The following RARB variants were observed in gnomAD, a reference collection of about 807,000 sequenced individuals.
The protein encoded by RARB is HBV-activated protein.
RARB carries 17 observed loss-of-function variants against 51.9 expected under a neutral mutation model. The observed-to-expected ratio is 0.33, with a 90% CI of 0.22 to 0.49. The LOEUF is 0.49. Among genes scored for constraint, RARB ranks in the 20% least tolerant of loss-of-function variants. The pLI is 0.99. For missense variants in RARB, 369 were observed against 550.8 expected (o/e 0.67, Z 3.30); for synonymous variants, 215 against 195.4 (o/e 1.10, Z -0.84).
intron 1 of RARB, among the ~76,000 whole-genome samples, chr3:25,446,958 A>G (rs1708973948): frequency 6.6e-6 from 1 of 152,046 alleles, no homozygotes; most frequent in Non-Finnish European, 1.5e-5. Context: ...GACCTTGGCC[A>G]AGTCATTTAA....
chr3:24,875,903 C>G (rs1473392563), intron 2 of RARB, among the ~76,000 whole-genome samples: 1 of 151,868 alleles, frequency 6.6e-6, no homozygotes, highest in African/African-American at 2.4e-5. Flanking sequence ...TTTATTCCTC[C>G]CTTGTCCTTC....
chr3:25,339,611 C>T (rs1198087384), intron 5 of RARB, among the ~76,000 whole-genome samples: 1 of 149,174 alleles, frequency 6.7e-6, no homozygotes, highest in Non-Finnish European at 1.5e-5. Flanking sequence ...ACACTGTTTG[C>T]CTAATTTGAG....
At chr3:24,976,482 T>C (rs1696514591) in intron 2 of RARB, among the ~76,000 whole-genome samples, 1 of 152,226 alleles carries the variant, frequency 6.6e-6, no homozygotes, top group Non-Finnish European at 1.5e-5. Flanking sequence ...TGGGATGGTA[T>C]CTCATTGTGG....
intron 5 of RARB, among the ~76,000 whole-genome samples, chr3:25,290,593 C>A (rs945816666): frequency 2.0e-5 from 3 of 152,140 alleles, no homozygotes; most frequent in African/African-American, 7.2e-5. Context: ...GTTCAAAAGG[C>A]TTTACAAGGA....
intron 2 of RARB, among the ~76,000 whole-genome samples, chr3:24,952,524 C>T (rs9848183): frequency 0.034 from 5,169 of 152,190 alleles, 268 homozygotes; most frequent in African/African-American, 0.12. Context: ...CATGACTTAA[C>T]CCTTTGTCTA....
intron 2 of RARB, among the ~76,000 whole-genome samples, chr3:24,975,599 G>A (rs1163522156): frequency 1.3e-5 from 2 of 151,998 alleles, no homozygotes; most frequent in African/African-American, 2.4e-5. Context: ...GGAAAGGAAA[G>A]ACTTAACTAG....
rs554075893 is a variant in RARB, at chr3:25,341,056, A to C, written c.179-120137A>C. Among the ~76,000 whole-genome samples, 33 of 152,324 alleles carry C rather than the reference A, an allele frequency of 2.2e-4. No homozygotes were observed. The South Asian group carries it at 6.4e-3, about 30-fold the overall frequency. ...TCAATCTGTGTTCATTGGAAAGGAC[A>C]TGCAGCCAGCAGAACATAATTAACT... On this transcript the variant is annotated intron_variant, in intron 5 of 11. Transcript: ENST00000383772.
At chr3:25,517,284 ACAACT>A (rs1187966565) in intron 3 of RARB, among the ~76,000 whole-genome samples, 1 of 152,220 alleles carries the variant, frequency 6.6e-6, no homozygotes, top group Non-Finnish European at 1.5e-5. Flanking sequence ...GAAAAAAATG[ACAACT>A]CAACAGTAAA....
At chr3:25,116,958 A>G (rs1348120489) in intron 3 of RARB, among the ~76,000 whole-genome samples, 1 of 152,188 alleles carries the variant, frequency 6.6e-6, no homozygotes, top group Non-Finnish European at 1.5e-5. Flanking sequence ...ATAATTTTTT[A>G]ACATAAGAAT....
chr3:25,494,590 T>G (rs1386913906), intron 2 of RARB, among the ~76,000 whole-genome samples: 5 of 152,202 alleles, frequency 3.3e-5, no homozygotes, highest in Non-Finnish European at 7.3e-5. Flanking sequence ...TCTTACATAG[T>G]GTTCACTTGA....
chr3:25,272,304 A>C (rs1703273006), intron 5 of RARB, among the ~76,000 whole-genome samples: 1 of 152,224 alleles, frequency 6.6e-6, no homozygotes, highest in African/African-American at 2.4e-5. Context: ...CAGGGCTGGT[A>C]GATATGCCAT....
rs77185119 is a variant in RARB at position 25,283,271 on chromosome 3, A to T, written c.178+108696A>T. ...TGACCTCTCACTTTTGCCAGCCTGA[A>T]CCAGGCAAAAGAGCAGAGCTGGGCT... On this transcript the variant is annotated intron_variant, in intron 5 of 11. Coordinates refer to the RARB transcript ENST00000383772. Among the ~76,000 whole-genome samples, 5,341 of 152,306 alleles carry T rather than the reference A, an allele frequency of 0.035. 405 individuals carry two copies. The East Asian group carries it at 0.37, about 10-fold the overall frequency.
At chr3:25,017,691 C>A (rs956895876) in intron 2 of RARB, among the ~76,000 whole-genome samples, 1 of 151,984 alleles carries the variant, frequency 6.6e-6, no homozygotes, top group Non-Finnish European at 1.5e-5. Flanking sequence ...CTAAAAGGAA[C>A]TTTTAATGAG....
chr3:25,003,204 A>G (rs1697204037), intron 2 of RARB, among the ~76,000 whole-genome samples: 1 of 151,908 alleles, frequency 6.6e-6, no homozygotes, highest in East Asian at 1.9e-4. Context: ...CAAAAAAAAA[A>G]AAAAACTGCT....
chr3:25,244,889 A>G (rs1702520215), intron 5 of RARB, among the ~76,000 whole-genome samples: 1 of 151,330 alleles, frequency 6.6e-6, no homozygotes, highest in Admixed American at 6.6e-5. Flanking sequence ...GTCTCAATCT[A>G]ATATTGACAG....
At chr3:25,210,656 C>G (rs1326913861) in intron 5 of RARB, among the ~76,000 whole-genome samples, 1 of 149,218 alleles carries the variant, frequency 6.7e-6, no homozygotes, top group South Asian at 2.1e-4. Flanking sequence ...GTGCCTCAGT[C>G]TCCTGAGTAA....
intron 5 of RARB, among the ~76,000 whole-genome samples, chr3:25,404,141 G>T (rs1004606059): frequency 1.3e-5 from 2 of 152,176 alleles, no homozygotes; most frequent in Admixed American, 6.5e-5. Flanking sequence ...AGTGATATTT[G>T]TCAACGTGTC....
intron 2 of RARB, among the ~76,000 whole-genome samples, chr3:24,933,750 A>G (rs12330519): frequency 0.47 from 70,984 of 151,988 alleles, 17,153 homozygotes; most frequent in African/African-American, 0.54. Context: ...AAAGCAAAAT[A>G]TCAACAAATA....
chr3:24,993,031 T>A lies in RARB; in HGVS notation c.-379-67094T>A, dbSNP rs530293983. ...AAAGGAACATTAAATGTTACAGAAA[T>A]AAAAAATATTAGAAATCTATATACA... On this transcript the variant is annotated intron_variant, in intron 2 of 11. Transcript: ENST00000383772. Among the ~76,000 whole-genome samples the A allele has an allele frequency of 3.9e-5, 6 of 152,270 alleles. No individual in the cohort carries two copies. The South Asian group carries it at 1.2e-3, about 32-fold the overall frequency.
Sources: allele counts gnomAD v4.1 joint callset (sites outside exome capture counted in the v4.1 genomes callset), GRCh38; gene constraint gnomAD v4.1.1; transcripts MANE v1.5; gene names NCBI Gene and HGNC (gene_info 2026-07-23, HGNC 2026-07-21).